Variants in MAMDC2 observed in about 807,000 individuals in gnomAD.
The protein encoded by MAMDC2 is MAM domain containing 2, also known as MAM domain-containing protein 2.
MAMDC2 carries 57 observed loss-of-function variants against 89.8 expected under a neutral mutation model. That is an observed-to-expected ratio of 0.63 (90% CI 0.51 to 0.79). The LOEUF (loss-of-function observed/expected upper bound fraction) is 0.79. Ranked by LOEUF, MAMDC2 falls within the 30% of genes least tolerant of loss-of-function variation. MAMDC2 has a pLI of 0.00. For synonymous variants in MAMDC2, 313 were observed against 293.4 expected (o/e 1.07, Z -0.68); for missense variants, 800 against 820.6 (o/e 0.97, Z 0.31).
At chr9:70,156,542 T>C (rs527488234) in intron 9 of MAMDC2, among the ~76,000 whole-genome samples, 1 of 152,312 alleles carries the variant, frequency 6.6e-6, no homozygotes, top group Admixed American at 6.5e-5. Flanking sequence ...TGTCCCAGCA[T>C]TATTAAAGCA....
intron 2 of MAMDC2, chr9:70,085,932 A>C (rs1406136597): frequency 6.6e-6 from 1 of 152,074 alleles, no homozygotes; most frequent in African/African-American, 2.4e-5. Context: ...AAGGAAAAAT[A>C]GTTTTTTTAG....
At chr9:70,142,930 G>C (rs2031276983) in intron 8 of MAMDC2, among the ~76,000 whole-genome samples, 1 of 152,120 alleles carries the variant, frequency 6.6e-6, no homozygotes. Flanking sequence ...GGAGGGGGAG[G>C]TTCCTGATCT....
At chr9:70,057,041 T>C (rs1337191504) in intron 2 of MAMDC2, among the ~76,000 whole-genome samples, 1 of 152,132 alleles carries the variant, frequency 6.6e-6, no homozygotes, top group Non-Finnish European at 1.5e-5. Flanking sequence ...ACATTATGTA[T>C]TGCAATGAAT....
chr9:70,075,529 G>T (rs946548190), intron 2 of MAMDC2, among the ~76,000 whole-genome samples: 1 of 152,142 alleles, frequency 6.6e-6, no homozygotes, highest in Non-Finnish European at 1.5e-5. Context: ...AAAGTTTTAA[G>T]GTACAATAAA....
chr9:70,202,935 G>C (rs1262561024), intron 11 of MAMDC2, among the ~76,000 whole-genome samples: 2 of 149,846 alleles, frequency 1.3e-5, no homozygotes, highest in Non-Finnish European at 3.0e-5. Context: ...CTTTTATTTT[G>C]AGCCTATGTG....
intron 11 of MAMDC2, among the ~76,000 whole-genome samples, chr9:70,191,906 G>A (rs975899134): frequency 3.3e-5 from 5 of 152,096 alleles, no homozygotes; most frequent in African/African-American, 4.8e-5. Flanking sequence ...TGCCTTAGAA[G>A]ATTGCCAAGT....
chr9:70,136,139 G>C (rs1017101783), intron 7 of MAMDC2, among the ~76,000 whole-genome samples: 2 of 152,050 alleles, frequency 1.3e-5, no homozygotes, highest in South Asian at 4.1e-4. Context: ...CCACAAAGTG[G>C]GACCCTTTCT....
At chr9:70,118,475 C>G (rs563025127) in intron 5 of MAMDC2, among the ~76,000 whole-genome samples, 1 of 152,196 alleles carries the variant, frequency 6.6e-6, no homozygotes, top group East Asian at 1.9e-4. Context: ...AGATTTGATC[C>G]GTATCATTCT....
At chr9:70,184,454 TG>T (rs2032707371) in intron 11 of MAMDC2, among the ~76,000 whole-genome samples, 1 of 152,216 alleles carries the variant, frequency 6.6e-6, no homozygotes, top group Non-Finnish European at 1.5e-5. Flanking sequence ...GAAGTTCTCC[TG>T]GATAATACCA....
At chr9:70,217,277 T>C (rs1587580796) in intron 11 of MAMDC2, 2 of 1,204,614 alleles carry the variant, frequency 1.7e-6, no homozygotes, top group Non-Finnish European at 2.5e-6. Flanking sequence ...GACGGGAAGG[T>C]TTTCGAGTTT....
At chr9:70,053,167 C>T (rs1826950340) in intron 2 of MAMDC2, among the ~76,000 whole-genome samples, 1 of 152,146 alleles carries the variant, frequency 6.6e-6, no homozygotes, top group Admixed American at 6.5e-5. Context: ...GGAAGAAGTT[C>T]TTATATATGG....
rs572596646 is a variant in MAMDC2, at chr9:70,189,597, T to C, written c.1651+18966T>C. Among the ~76,000 whole-genome samples, 40 of 152,262 alleles carry C rather than the reference T, an allele frequency of 2.6e-4. No homozygotes were observed. In the South Asian group the frequency reaches 8.1e-3, roughly 31 times the overall value. On this transcript the variant is annotated intron_variant, in intron 11 of 13. Transcript: ENST00000377182. Reference sequence around the variant, plus strand: ...TTTCCTAGTTGAAGTTCTTTGACTTTCTTGAATGTATAGACTTATATTTTT... The same window carrying C: ...TTTCCTAGTTGAAGTTCTTTGACTTCCTTGAATGTATAGACTTATATTTTT...
intron 11 of MAMDC2, among the ~76,000 whole-genome samples, chr9:70,189,197 C>T (rs1271825056): frequency 6.6e-6 from 1 of 152,124 alleles, no homozygotes; most frequent in African/African-American, 2.4e-5. Context: ...CTATCTAGTA[C>T]ACTTTGCTTT....
intron 2 of MAMDC2, among the ~76,000 whole-genome samples, chr9:70,052,536 C>A (rs563207607): frequency 3.4e-4 from 52 of 152,178 alleles, no homozygotes; most frequent in Admixed American, 1.2e-3. Flanking sequence ...CTTCCCATGG[C>A]TCTCTGCACT....
chr9:70,217,413 C>T, intron 11 of MAMDC2: 15 of 1,321,076 alleles, frequency 1.1e-5, no homozygotes, highest in Admixed American at 3.4e-5. Context: ...AAAGAACCCA[C>T]CCAGCAGTCA....
Position 70,108,315 on chromosome 9 carries a change from T to C in MAMDC2, c.253T>C (p.Tyr85His). ...GGAATGGAGCTGCCTCCGTTTGGTCTACCAGATAACCACATCTTCGGAGTC... is the reference window on the plus strand; with the variant it reads ...GGAATGGAGCTGCCTCCGTTTGGTCCACCAGATAACCACATCTTCGGAGTC... The part of the protein sequence containing the change: ...AEEWSCLRLV[Y>H]QITTSSESLS... The change falls in exon 3 of 14, where the codon TAC (tyrosine) becomes CAC (histidine). Residue 85 changes from tyrosine (Y) to histidine (H), a missense_variant. By Grantham distance (83) the Tyr-to-His change is moderately conservative. Transcript: ENST00000377182. 2 of 1,614,162 alleles carry C rather than the reference T, an allele frequency of 1.2e-6. No individual in the cohort carries two copies. Among genetic ancestry groups the C allele is most frequent in the Non-Finnish European group, 1.7e-6 (2 of 1,179,994 alleles).
intron 11 of MAMDC2, among the ~76,000 whole-genome samples, chr9:70,208,641 A>C (rs1044024717): frequency 6.6e-6 from 1 of 152,196 alleles, no homozygotes; most frequent in Non-Finnish European, 1.5e-5. Flanking sequence ...GTCTTACCTG[A>C]CTGCCCTGGC....
intron 12 of MAMDC2, among the ~76,000 whole-genome samples, chr9:70,220,291 G>C (rs888305215): frequency 6.6e-6 from 1 of 152,140 alleles, no homozygotes; most frequent in Non-Finnish European, 1.5e-5. Flanking sequence ...TGTTTTTTGA[G>C]TACAGAGTAG....
intron 11 of MAMDC2, 72 bp downstream of exon 11, chr9:70,170,703 A>G: frequency 7.0e-7 from 1 of 1,422,108 alleles, no homozygotes; most frequent in South Asian, 1.5e-5. Flanking sequence ...CGTTTACTGC[A>G]TTTTGAAATG....
Sources: gnomAD v4.1 joint callset for allele counts (sites outside exome capture counted in the v4.1 genomes callset) on GRCh38, gnomAD v4.1.1 for gene constraint, MANE v1.5 for transcripts, NCBI Gene and HGNC (gene_info 2026-07-23, HGNC 2026-07-21) for gene names.